The following BEND3 variants were observed in gnomAD, a reference collection of about 807,000 sequenced individuals.
BEND3 encodes BEN domain containing 3, also known as BEN domain-containing protein 3.
Under a neutral mutation model 60.1 loss-of-function variants are expected in BEND3, and 13 were observed. That is an observed-to-expected ratio of 0.22 (90% CI 0.14 to 0.34). BEND3 has a LOEUF of 0.34. Among genes scored for constraint, BEND3 ranks in the 10% least tolerant of loss-of-function variants. The pLI is 1.00. For missense variants in BEND3, 896 were observed against 1,138.1 expected (o/e 0.79, Z 3.06); for synonymous variants, 497 against 491.5 (o/e 1.01, Z -0.15).
At chr6:107,113,961 A>C (rs1770190514) in intron 1 of BEND3, 2 of 152,240 alleles carry the variant, frequency 1.3e-5, no homozygotes, top group Non-Finnish European at 2.9e-5. Context: ...CAACCATTCA[A>C]AAGTTACTTT....
At chr6:107,114,863 G>A (rs1554239056) in intron 1 of BEND3, among the ~76,000 whole-genome samples, 3 of 149,078 alleles carry the variant, frequency 2.0e-5, no homozygotes, top group African/African-American at 7.3e-5. Context: ...GCAGCACAAT[G>A]GGCGCGGCGA....
Position 107,070,020 on chromosome 6 carries a change from C to T in BEND3, c.1171G>A (p.Val391Met), listed in dbSNP as rs201725811. 9.3e-6 allele frequency: 15 copies of T among 1,613,754 alleles called. No homozygotes were observed. Among genetic ancestry groups the T allele is most frequent in the Admixed American group, 5.0e-5 (3 of 60,020 alleles). The change falls in exon 4 of 4, where the codon GTG becomes ATG. Residue 391 changes from valine (V) to methionine (M), a missense_variant. Around this residue, in one of 4 missense-constraint regions of BEND3, gnomAD observed 846 missense variants for 1,036.7 expected, o/e 0.82. Coordinates refer to ENST00000369042, the MANE Select transcript of BEND3 (RefSeq NM_001367314.1). The surrounding 1 kb of genome is among the most constrained non-coding windows in gnomAD (Gnocchi z 6.9). ...DRSSTIASDH[V>M]VDTQDLTEFL... ...TCAGTGAGGTCCTGCGTGTCCACCA[C>T]GTGGTCTGAGGCGATGGTGCTGCTC...
chr6:107,094,658 A>G (rs1775545672), intron 3 of BEND3, among the ~76,000 whole-genome samples: 1 of 151,200 alleles, frequency 6.6e-6, no homozygotes, highest in Non-Finnish European at 1.5e-5. Context: ...AAATAAATAA[A>G]TAAATAAAAC....
chr6:107,092,238 T>C (rs1419853871), intron 3 of BEND3, among the ~76,000 whole-genome samples: 4 of 151,024 alleles, frequency 2.6e-5, no homozygotes, highest in Non-Finnish European at 5.9e-5. Context: ...GCCTAGGAGA[T>C]AGTGAGACTC....
chr6:107,083,904 A>C (rs1554233861), intron 3 of BEND3, among the ~76,000 whole-genome samples: 1 of 152,186 alleles, frequency 6.6e-6, no homozygotes, highest in Non-Finnish European at 1.5e-5. Flanking sequence ...ACTTGGCAAC[A>C]CAGCGAGACC....
chr6:107,095,039 T>C (rs948605023), intron 3 of BEND3, among the ~76,000 whole-genome samples: 3 of 151,920 alleles, frequency 2.0e-5, no homozygotes, highest in African/African-American at 7.3e-5. Flanking sequence ...CCCAGGCTGA[T>C]CTGGAACTCC....
At chr6:107,103,944 G>A (rs374757598) in intron 1 of BEND3, among the ~76,000 whole-genome samples, 5 of 106,548 alleles carry the variant, frequency 4.7e-5, no homozygotes, top group African/African-American at 6.5e-5. Context: ...GCGAAACTCC[G>A]TCTCAAAAAA....
intron 1 of BEND3, among the ~76,000 whole-genome samples, chr6:107,104,118 A>C (rs1328880170): frequency 6.6e-6 from 1 of 151,306 alleles, no homozygotes; most frequent in Non-Finnish European, 1.5e-5. Flanking sequence ...CCCCATCTCT[A>C]CTAAAAAAAA....
rs1774807728 is a variant in BEND3, at chr6:107,065,525, C to T, written c.*3179G>A. 7.8e-6 allele frequency: 1 copy of T among 127,708 alleles called. No individual in the cohort carries two copies. Among genetic ancestry groups the T allele is most frequent in the South Asian group, 2.4e-4 (1 of 4,094 alleles). The allele number at this position is 127,708 out of a possible 1,614,324, so 7.9% of individuals were successfully genotyped here. A position where few individuals can be genotyped will look rare whatever the true frequency, so the allele number is the denominator to read the frequency against. On this transcript the variant is annotated 3_prime_UTR_variant, in exon 4 of 4. Transcript: ENST00000369042. ...GTAATAGCCCCTTGGCCCTCACCCC[C>T]ACTTCATGTATCTATACAGTCGATC... is the stretch of plus-strand genomic sequence containing the variant.
At chr6:107,101,833 G>T (rs1775707901) in intron 1 of BEND3, among the ~76,000 whole-genome samples, 1 of 152,188 alleles carries the variant, frequency 6.6e-6, no homozygotes, top group African/African-American at 2.4e-5. Context: ...ACACACTGCA[G>T]GTCACCTGAA....
Position 107,070,895 on chromosome 6 carries a change from C to A in BEND3, c.296G>T (p.Gly99Val), listed in dbSNP as rs559015315. The change falls in exon 4 of 4, where the codon GGT becomes GTT. Residue 99 changes from glycine (G) to valine (V), a missense_variant. Coordinates refer to ENST00000369042, the MANE Select transcript of BEND3 (RefSeq NM_001367314.1). The surrounding 1 kb of genome is among the most constrained non-coding windows in gnomAD (Gnocchi z 6.9). Reference protein sequence around the residue: ...RENSSPCQGNGEQAGRGRSLG... With the variant: ...RENSSPCQGNVEQAGRGRSLG... ...GCTCCTGCCCCTGCCGGCCTGCTCA[C>A]CATTGCCTTGGCAGGGCGAGCTGTT... 1 of 1,613,934 alleles carries A rather than the reference C, an allele frequency of 6.2e-7. No homozygotes were observed. Among genetic ancestry groups the A allele is most frequent in the East Asian group, 2.2e-5 (1 of 44,882 alleles).
At chr6:107,105,830 C>T (rs1775802249) in intron 1 of BEND3, among the ~76,000 whole-genome samples, 1 of 152,218 alleles carries the variant, frequency 6.6e-6, no homozygotes, top group Admixed American at 6.5e-5. Flanking sequence ...CCTCATGCCA[C>T]TCAGGGGCAA....
chr6:107,080,354 CAAAAAAA>C (rs11402351), intron 3 of BEND3, among the ~76,000 whole-genome samples: 5 of 83,258 alleles, frequency 6.0e-5, no homozygotes, highest in African/African-American at 2.4e-4. Flanking sequence ...GATCCCATCT[CAAAAAAA>C]AAAAAAAAAA....
intron 3 of BEND3, among the ~76,000 whole-genome samples, chr6:107,094,296 C>G (rs145857476): frequency 1.1e-3 from 163 of 152,192 alleles, no homozygotes; most frequent in African/African-American, 3.6e-3. Context: ...TAAAAAGATT[C>G]TCCACATCAT....
chr6:107,099,213 T>C (rs1775653316), intron 2 of BEND3, 36 bp downstream of exon 2: 3 of 1,538,478 alleles, frequency 1.9e-6, no homozygotes, highest in Admixed American at 1.7e-5. Flanking sequence ...AGTATTCAGT[T>C]AAAAACATTT....
intron 3 of BEND3, among the ~76,000 whole-genome samples, chr6:107,074,370 G>A (rs1185241884): frequency 2.0e-5 from 3 of 151,768 alleles, no homozygotes; most frequent in Non-Finnish European, 4.4e-5. Context: ...AGCCAAGATC[G>A]TGCCACTGCA....
Position 107,115,141 on chromosome 6 carries a change from G to T in BEND3, c.-63C>A, listed in dbSNP as rs1228922048. On this transcript the variant is annotated 5_prime_UTR_variant, in exon 1 of 4. Transcript: ENST00000369042. ...GGGCGGGCCCGCGCCGAGTTTGGGC[G>T]CCACGTGGGGGGGAGGGCGCGGGGC... is the stretch of plus-strand genomic sequence containing the variant. The T allele has an allele frequency of 6.7e-6, 1 of 149,738 alleles. No individual in the cohort carries two copies. Among genetic ancestry groups the T allele is most frequent in the Non-Finnish European group, 1.5e-5 (1 of 67,214 alleles). 9.3% of individuals were successfully genotyped at this position (149,738 alleles called of 1,614,324 possible). A position where few individuals can be genotyped will look rare whatever the true frequency, so the allele number is the denominator to read the frequency against.
chr6:107,085,918 C>T (rs1241289529), intron 3 of BEND3, among the ~76,000 whole-genome samples: 2 of 151,970 alleles, frequency 1.3e-5, no homozygotes, highest in Non-Finnish European at 2.9e-5. Flanking sequence ...TCCCAAGTAG[C>T]TGGGACTACA....
intron 3 of BEND3, among the ~76,000 whole-genome samples, chr6:107,096,540 G>GA (rs1450468238): frequency 2.6e-5 from 4 of 152,156 alleles, no homozygotes; most frequent in African/African-American, 9.7e-5. Flanking sequence ...TGAACAAGGA[G>GA]ACAGAGGCTG....
Sources: allele counts gnomAD v4.1 joint callset (sites outside exome capture counted in the v4.1 genomes callset), GRCh38; gene constraint gnomAD v4.1.1; regional missense constraint gnomAD v4.1.1; non-coding constraint Gnocchi (gnomAD v3.1); transcripts MANE v1.5; gene names NCBI Gene and HGNC (gene_info 2026-07-23, HGNC 2026-07-21).